CASR: variants seen among roughly 807,000 people sequenced by gnomAD.
The protein encoded by CASR is calcium sensing receptor.
A neutral mutation model predicts 69.1 loss-of-function variants in CASR; 23 were observed. The ratio of observed to expected loss-of-function variants is 0.33; its 90% CI spans 0.24 to 0.47. CASR has a LOEUF of 0.47. Among genes scored for constraint, CASR ranks in the 20% least tolerant of loss-of-function variants. The pLI is 1.00. For missense variants in CASR, 924 were observed against 1,356.1 expected, an observed-to-expected ratio of 0.68 and a Z score of 5.00; for synonymous variants, 541 against 544.7, an observed-to-expected ratio of 0.99 and a Z score of 0.10.
intron 1 of CASR, among the ~76,000 whole-genome samples, chr3:122,190,532 T>C (rs2073829510): frequency 6.6e-6 from 1 of 152,182 alleles, no homozygotes; most frequent in Non-Finnish European, 1.5e-5. Flanking sequence ...TCCTTATCTG[T>C]AAACTGCAGT....
In CASR at chr3:122,290,588, C is replaced by T. The variant is rs377659758; in HGVS notation, c.*5397C>T. On this transcript the variant is annotated 3_prime_UTR_variant, in exon 7 of 7. Transcript: ENST00000639785. ...TTCTAAATTTTTCCCAAGTTTTGTA[C>T]ATTAAGCACAAAATTATAACAGGAA... The T allele has an allele frequency of 1.8e-4, 28 of 152,038 alleles. No homozygotes were observed. Among genetic ancestry groups the T allele is most frequent in the African/African-American group, 6.3e-4 (26 of 41,474 alleles). 9.4% of individuals were successfully genotyped at this position (152,038 alleles called of 1,614,324 possible). A position where few individuals can be genotyped will look rare whatever the true frequency, so the allele number is the denominator to read the frequency against.
At chr3:122,241,388 G>A (rs2074378233) in intron 1 of CASR, among the ~76,000 whole-genome samples, 1 of 151,946 alleles carries the variant, frequency 6.6e-6, no homozygotes, top group Non-Finnish European at 1.5e-5. Context: ...AACATTAGAG[G>A]CTACTGTGAG....
chr3:122,254,146 A>G lies in CASR; in HGVS notation c.-44A>G. 6.2e-7 allele frequency: 1 copy of G among 1,602,988 alleles called. No homozygotes were observed. Among genetic ancestry groups the G allele is most frequent in the Non-Finnish European group, 8.5e-7 (1 of 1,171,926 alleles). On this transcript the variant is annotated 5_prime_UTR_variant, in exon 2 of 7. Transcript: ENST00000639785. ...GGGAGAAACTTCTGGGAGCCTCCAA[A>G]CTCCTAGCTGTCTCATCCCTTGCCC...
intron 1 of CASR, among the ~76,000 whole-genome samples, chr3:122,222,615 T>C (rs2074182825): frequency 6.6e-6 from 1 of 152,098 alleles, no homozygotes; most frequent in Admixed American, 6.6e-5. Context: ...CACACGATAA[T>C]AGTGGGAGAC....
chr3:122,227,188 G>T (rs1400009453), intron 1 of CASR, among the ~76,000 whole-genome samples: 1 of 152,264 alleles, frequency 6.6e-6, no homozygotes, highest in Non-Finnish European at 1.5e-5. Context: ...AGGTGGAGCT[G>T]CCTGCCAGTC....
intron 3 of CASR, among the ~76,000 whole-genome samples, chr3:122,258,358 CTTTT>C (rs34570632): frequency 5.7e-4 from 66 of 115,194 alleles, no homozygotes; most frequent in African/African-American, 1.3e-3. Flanking sequence ...GGGAGGGCTC[CTTTT>C]TTTTTTTTTT....
At chr3:122,259,319 G>T (rs758316362) in intron 3 of CASR, among the ~76,000 whole-genome samples, 13 of 152,060 alleles carry the variant, frequency 8.5e-5, no homozygotes, top group Non-Finnish European at 1.6e-4. Flanking sequence ...TAGGTTTTGT[G>T]TTTGCAAAAA....
chr3:122,227,952 A>T (rs2074241508), intron 1 of CASR, among the ~76,000 whole-genome samples: 1 of 71,184 alleles, frequency 1.4e-5, no homozygotes. Flanking sequence ...CATCTAAATG[A>T]CTGCTCATGT....
chr3:122,184,956 C>T (rs891992205), intron 1 of CASR, among the ~76,000 whole-genome samples: 2 of 152,116 alleles, frequency 1.3e-5, no homozygotes, highest in African/African-American at 2.4e-5. Flanking sequence ...CCCCAGGGGC[C>T]GTCAGTGCCC....
chr3:122,190,000 G>T (rs982298311), intron 1 of CASR, among the ~76,000 whole-genome samples: 13 of 152,178 alleles, frequency 8.5e-5, no homozygotes, highest in African/African-American at 2.9e-4. Context: ...ACTCAGAGAC[G>T]CCAGCTGTGG....
At position 122,285,651 on chromosome 3, in the gene CASR, A is replaced by G. The variant is rs200293915; in HGVS notation, c.*460A>G. 1.0e-5 allele frequency: 2 copies of G among 193,032 alleles called. No homozygotes were observed. Among genetic ancestry groups the G allele is most frequent in the Non-Finnish European group, 2.2e-5 (2 of 91,600 alleles). The allele number at this position is 193,032 out of a possible 1,614,324, so 12.0% of individuals were successfully genotyped here. A position where few individuals can be genotyped will look rare whatever the true frequency, so the allele number is the denominator to read the frequency against. ...ACTGAATTTTAAATGTTCACAACAT[A>G]AGGAGAATGTATCTCCTCCTATTTA... On this transcript the variant is annotated 3_prime_UTR_variant, in exon 7 of 7. Transcript: ENST00000639785.
intron 1 of CASR, among the ~76,000 whole-genome samples, chr3:122,238,398 T>A (rs2074349745): frequency 6.6e-6 from 1 of 152,214 alleles, no homozygotes; most frequent in Non-Finnish European, 1.5e-5. Context: ...ATCACCCACC[T>A]AAGCAGTCGG....
chr3:122,192,778 G>A (rs72967345), intron 1 of CASR, among the ~76,000 whole-genome samples: 3,205 of 152,140 alleles, frequency 0.021, 110 homozygotes, highest in African/African-American at 0.074. Flanking sequence ...GTCTGGAGTG[G>A]GGGCCAAATG....
intron 4 of CASR, among the ~76,000 whole-genome samples, chr3:122,264,475 T>C (rs1553306): frequency 0.92 from 139,873 of 152,222 alleles, 64,597 homozygotes; most frequent in East Asian, 0.98. Flanking sequence ...GGAGTGAATC[T>C]CCAGTGGGAA....
chr3:122,206,049 G>T (rs2074003445), intron 1 of CASR, among the ~76,000 whole-genome samples: 2 of 151,922 alleles, frequency 1.3e-5, no homozygotes, highest in South Asian at 4.1e-4. Flanking sequence ...TTCCTATTTG[G>T]ATGTTCTTTA....
intron 1 of CASR, among the ~76,000 whole-genome samples, chr3:122,185,972 G>A (rs980110310): frequency 3.0e-5 from 3 of 99,798 alleles, no homozygotes; most frequent in African/African-American, 1.2e-4. Context: ...CCACACATGC[G>A]AGTTACTTCC....
At chr3:122,265,608 G>T (rs2074683739) in intron 4 of CASR, among the ~76,000 whole-genome samples, 1 of 152,220 alleles carries the variant, frequency 6.6e-6, no homozygotes, top group African/African-American at 2.4e-5. Context: ...ATAGGCCTTT[G>T]CAGGGAACCG....
At chr3:122,243,726 T>G (rs2074400635) in intron 1 of CASR, among the ~76,000 whole-genome samples, 1 of 152,096 alleles carries the variant, frequency 6.6e-6, no homozygotes, top group Admixed American at 6.5e-5. Context: ...ATCTGCACTT[T>G]CATGTTTGTT....
At chr3:122,278,617 T>C (rs1439639895) in intron 5 of CASR, among the ~76,000 whole-genome samples, 3 of 152,200 alleles carry the variant, frequency 2.0e-5, no homozygotes, top group Non-Finnish European at 4.4e-5. Context: ...ATCTTTCCGG[T>C]GGCTACCTCA....
Sources: gnomAD v4.1 joint callset for allele counts (sites outside exome capture counted in the v4.1 genomes callset) on GRCh38, gnomAD v4.1.1 for gene constraint, MANE v1.5 for transcripts, NCBI Gene and HGNC (gene_info 2026-07-23, HGNC 2026-07-21) for gene names.